ATP8A2: variants seen among roughly 807,000 people sequenced by gnomAD.
The protein encoded by ATP8A2 is phospholipid-transporting ATPase IB.
In ATP8A2, 100 loss-of-function variants were observed where a neutral mutation model predicts 165.6. That is an observed-to-expected ratio of 0.60 (90% CI 0.51 to 0.71). The LOEUF (loss-of-function observed/expected upper bound fraction) is 0.71, where lower values mean the gene tolerates loss of function less well. ATP8A2 is among the 30% of genes least tolerant of loss of function. The probability of loss-of-function intolerance (pLI) is 0.00; values close to 1 mark genes in which losing one functional copy is unlikely to be tolerated. For missense variants in ATP8A2, 1,227 were observed against 1,479.5 expected (o/e 0.83, Z 2.80); for synonymous variants, 543 against 548.8 (o/e 0.99, Z 0.15).
In ATP8A2 at chr13:25,699,299, A is replaced by T; in HGVS notation, c.2338A>T (p.Ser780Cys). 6.2e-7 allele frequency: 1 copy of T among 1,613,536 alleles called. No homozygotes were observed. Among genetic ancestry groups the T allele is most frequent in the Non-Finnish European group, 8.5e-7 (1 of 1,179,756 alleles). ...KYALSFEVRRSFLDLALSCKA... is the reference protein window; with the variant it reads ...KYALSFEVRRCFLDLALSCKA... ...CGCGCTCTCCTTCGAAGTCCGGAGG[A>T]GTTTCCTGGATTTGGCACTCTCGTG... Residue 780 changes from serine (S) to cysteine (C), a missense_variant, in exon 25 of 37, where the codon AGT (serine) becomes TGT (cysteine). By Grantham distance (112) the Ser-to-Cys change is moderately radical. This residue lies in a region of ATP8A2 where 592 missense variants were observed against 785.6 expected (regional missense o/e 0.75). Transcript: ENST00000381655.
intron 33 of ATP8A2, among the ~76,000 whole-genome samples, chr13:25,882,100 G>A (rs780262671): frequency 6.6e-6 from 1 of 152,138 alleles, no homozygotes; most frequent in African/African-American, 2.4e-5. Flanking sequence ...CAGCTGCAGC[G>A]GCTCTGTTTC....
chr13:25,888,611 A>G (rs980486183), intron 33 of ATP8A2, among the ~76,000 whole-genome samples: 3 of 152,358 alleles, frequency 2.0e-5, no homozygotes, highest in Non-Finnish European at 4.4e-5. Context: ...CTGTAATCCC[A>G]GCATTTTGGG....
At chr13:25,837,030 T>A (rs1374777985) in intron 28 of ATP8A2, 133 bp from the exon 29 acceptor site, 24 of 1,094,908 alleles carry the variant, frequency 2.2e-5, no homozygotes, top group Non-Finnish European at 3.0e-5. Flanking sequence ...TTGGAGGGTG[T>A]CTGGGGATCT....
chr13:25,716,566 G>A lies in ATP8A2; in HGVS notation c.2384+17221G>A, dbSNP rs3132347. Among the ~76,000 whole-genome samples, 1,438 of 152,276 alleles carry A rather than the reference G, an allele frequency of 9.4e-3. 21 individuals are homozygous for A. The highest frequency in any genetic ancestry group is 0.033 in the African/African-American group (1,386 of 41,552). The stretch of plus-strand genomic sequence containing the variant: ...TTCAGTTTTTCCAGCACCATTTGTT[G>A]AAGAGACAGTCTTTTCCTTTTTGAG... On this transcript the variant is annotated intron_variant, in intron 25 of 36. Transcript: ENST00000381655.
In ATP8A2 at chr13:25,688,963, T is replaced by G. The variant is rs542544279; in HGVS notation, c.2212-10210T>G. ...TTTTAAATGATCTTCCTTCACTATT[T>G]CTCTTTCAGAAATTTGTCACTGTTT... On this transcript the variant is annotated intron_variant, in intron 24 of 36. Transcript: ENST00000381655. 8.5e-5 allele frequency among the ~76,000 whole-genome samples: 13 copies of G among 152,358 alleles called. No individual in the cohort carries two copies. The South Asian group carries it at 2.7e-3, about 32-fold the overall frequency.
chr13:25,900,252 T>C (rs991753674), intron 33 of ATP8A2, among the ~76,000 whole-genome samples: 5 of 152,054 alleles, frequency 3.3e-5, no homozygotes, highest in South Asian at 2.1e-4. Flanking sequence ...ACAGGCACAA[T>C]TGAGTTCCAT....
rs567738277 is a variant in ATP8A2 at position 25,918,523 on chromosome 13, A to C, written c.3184-43052A>C. On this transcript the variant is annotated intron_variant, in intron 33 of 36. Transcript: ENST00000381655. ...ACCAATGTCTGTTACCCAGGACACC[A>C]AAGGGAACCCTTCAGTCCAAAGGGG... Among the ~76,000 whole-genome samples, 18 of 152,348 alleles carry C rather than the reference A, an allele frequency of 1.2e-4. 1 individual carries two copies. In the South Asian group the frequency reaches 3.1e-3, roughly 26 times the overall value.
At chr13:26,007,048 CCT>C (rs1174685322) in intron 35 of ATP8A2, among the ~76,000 whole-genome samples, 2 of 149,774 alleles carry the variant, frequency 1.3e-5, no homozygotes. Context: ...AATCTGTACT[CCT>C]CTTTTCTTCT....
intron 33 of ATP8A2, 30 bp downstream of exon 33, chr13:25,862,438 C>T (rs1163846758): frequency 1.3e-6 from 2 of 1,539,146 alleles, no homozygotes; most frequent in Admixed American, 1.7e-5. Flanking sequence ...AGTGTGTCTT[C>T]TGTGTCTTGT....
chr13:25,410,289 C>A (rs1249472187), intron 1 of ATP8A2, among the ~76,000 whole-genome samples: 2 of 152,088 alleles, frequency 1.3e-5, no homozygotes, highest in East Asian at 3.9e-4. Context: ...AGACCTTCGT[C>A]AAATGCTATT....
In ATP8A2 at chr13:25,899,593, G is replaced by A. The variant is rs376819745; in HGVS notation, c.3183+37185G>A. Among the ~76,000 whole-genome samples the A allele has an allele frequency of 1.5e-4, 23 of 152,236 alleles. No individual in the cohort carries two copies. The East Asian group carries it at 2.5e-3, about 17-fold the overall frequency. ...TGAGATCTGAGTGAGGAGCAGAGCCGGTGGTGTCCGCACCAGGGGAGGCAA... is the reference window on the plus strand; with the variant it reads ...TGAGATCTGAGTGAGGAGCAGAGCCAGTGGTGTCCGCACCAGGGGAGGCAA... On this transcript the variant is annotated intron_variant, in intron 33 of 36. Coordinates refer to ENST00000381655, the MANE Select transcript of ATP8A2 (RefSeq NM_016529.6).
At chr13:25,716,768 A>C (rs993702319) in intron 25 of ATP8A2, among the ~76,000 whole-genome samples, 1 of 152,174 alleles carries the variant, frequency 6.6e-6, no homozygotes. Context: ...CAAGTCAGAC[A>C]TAGCCCTGGC....
chr13:25,771,455 A>G (rs1350299873), intron 26 of ATP8A2, among the ~76,000 whole-genome samples: 1 of 152,162 alleles, frequency 6.6e-6, no homozygotes, highest in East Asian at 1.9e-4. Flanking sequence ...GAGGTTTCCT[A>G]GGAGTTCCAG....
At chr13:25,398,034 T>C (rs1378225631) in intron 1 of ATP8A2, among the ~76,000 whole-genome samples, 1 of 152,138 alleles carries the variant, frequency 6.6e-6, no homozygotes, top group Non-Finnish European at 1.5e-5. Context: ...GGAGAATAGA[T>C]GGTAAATGTC....
chr13:25,848,878 T>C, intron 30 of ATP8A2, among the ~76,000 whole-genome samples: 1 of 152,220 alleles, frequency 6.6e-6, no homozygotes. Context: ...CAGGTTAACT[T>C]CTGAAAGTTT....
intron 25 of ATP8A2, among the ~76,000 whole-genome samples, chr13:25,768,093 G>T (rs559371357): frequency 2.4e-4 from 32 of 130,718 alleles, no homozygotes; most frequent in Admixed American, 5.5e-4. Context: ...GGGGTGGTGG[G>T]GGGGCAAGTG....
At chr13:25,781,083 A>G (rs2044865945) in intron 27 of ATP8A2, among the ~76,000 whole-genome samples, 1 of 152,144 alleles carries the variant, frequency 6.6e-6, no homozygotes, top group Admixed American at 6.5e-5. Flanking sequence ...AACATGGTGA[A>G]ACCCCGTCTC....
intron 4 of ATP8A2, 146 bp from the exon 5 acceptor site, chr13:25,532,126 A>G: frequency 5.8e-6 from 4 of 684,804 alleles, no homozygotes; most frequent in Non-Finnish European, 1.0e-5. Flanking sequence ...ATAGATCACA[A>G]AATTGTCTAA....
intron 33 of ATP8A2, among the ~76,000 whole-genome samples, chr13:25,917,497 A>G (rs1241951156): frequency 6.6e-6 from 1 of 152,246 alleles, no homozygotes; most frequent in Non-Finnish European, 1.5e-5. Context: ...TTATGAAGAA[A>G]TTGAGAAAGA....
Sources: allele counts gnomAD v4.1 joint callset (sites outside exome capture counted in the v4.1 genomes callset), GRCh38; gene constraint gnomAD v4.1.1; regional missense constraint gnomAD v4.1.1; transcripts MANE v1.5; gene names NCBI Gene and HGNC (gene_info 2026-07-23, HGNC 2026-07-21).